CCN4: variants seen among roughly 807,000 people sequenced by gnomAD.
CCN4 encodes cellular communication network factor 4, also known as CCN family member 4.
CCN4 carries 30 observed loss-of-function variants against 36.7 expected under a neutral mutation model. That is an observed-to-expected ratio of 0.82 (90% confidence interval 0.61 to 1.11). CCN4 has a LOEUF of 1.11. Ranked by LOEUF, CCN4 falls within the 50% of genes least tolerant of loss-of-function variation. CCN4 has a pLI of 0.00. For missense variants in CCN4, 505 were observed against 504.9 expected, an observed-to-expected ratio of 1.00 and a Z score of 0.00; for synonymous variants, 191 against 195.4, an observed-to-expected ratio of 0.98 and a Z score of 0.19.
chr8:133,220,864 T>TG (rs1015975641), intron 3 of CCN4, 23 bp downstream of exon 3: 7 of 1,584,098 alleles, frequency 4.4e-6, no homozygotes, highest in Non-Finnish European at 6.0e-6. Context: ...CCGAGTGGGC[T>TG]GGGGGTGGGA....
At chr8:133,200,573 G>A (rs978541244) in intron 1 of CCN4, among the ~76,000 whole-genome samples, 1 of 152,236 alleles carries the variant, frequency 6.6e-6, no homozygotes, top group African/African-American at 2.4e-5. Flanking sequence ...ACTGGACAGT[G>A]GGCAAGAACA....
intron 1 of CCN4, 66 bp downstream of exon 1, chr8:133,191,279 G>A: frequency 6.6e-7 from 1 of 1,516,180 alleles, no homozygotes; most frequent in Non-Finnish European, 8.9e-7. Flanking sequence ...CCTGCTACAT[G>A]GGGGCTGGTG....
At chr8:133,194,095 G>A (rs1450347380) in intron 1 of CCN4, among the ~76,000 whole-genome samples, 2 of 152,160 alleles carry the variant, frequency 1.3e-5, no homozygotes, top group East Asian at 1.9e-4. Context: ...TTCAGCAAAC[G>A]AAAGCTGAGT....
intron 2 of CCN4, among the ~76,000 whole-genome samples, chr8:133,213,950 TA>T (rs1854179640): frequency 7.6e-4 from 1 of 1,324 alleles, no homozygotes; most frequent in African/African-American, 1.5e-3. Flanking sequence ...CTATATATAG[TA>T]GTTATATATA....
intron 2 of CCN4, among the ~76,000 whole-genome samples, chr8:133,216,600 G>C (rs1269266806): frequency 6.6e-6 from 1 of 152,234 alleles, no homozygotes; most frequent in Non-Finnish European, 1.5e-5. Flanking sequence ...TCTGTGGGCA[G>C]AGGGTGACCT....
chr8:133,225,013 T>C (rs1216774797), intron 3 of CCN4, among the ~76,000 whole-genome samples: 1 of 151,968 alleles, frequency 6.6e-6, no homozygotes, highest in Admixed American at 6.5e-5. Flanking sequence ...TAGGCCTTAT[T>C]ATTGTGTTGC....
In CCN4 at chr8:133,213,090, TCTA is replaced by T; in HGVS notation, c.299_301del (p.Tyr100del). ...GCCATCTGTGACCCCCACCGGGGCCTCTACTGTGACTACAGCGGGGACCGCCCG... is the reference window on the plus strand; with the variant it reads ...GCCATCTGTGACCCCCACCGGGGCCTCTGTGACTACAGCGGGGACCGCCCG... On this transcript the variant is annotated inframe_deletion, in exon 2 of 5. Coordinates refer to ENST00000250160, the MANE Select transcript of CCN4 (RefSeq NM_003882.4). 1.2e-6 allele frequency: 2 copies of T among 1,614,044 alleles called. No individual in the cohort carries two copies. The highest frequency in any genetic ancestry group is 1.7e-6 in the Non-Finnish European group (2 of 1,179,910).
chr8:133,224,249 T>G (rs1250860997), intron 3 of CCN4, among the ~76,000 whole-genome samples: 2 of 145,928 alleles, frequency 1.4e-5, no homozygotes, highest in Non-Finnish European at 3.0e-5. Context: ...TTTTTTTTTT[T>G]TTTTTTTTTG....
intron 1 of CCN4, among the ~76,000 whole-genome samples, chr8:133,205,019 A>C (rs1853718543): frequency 6.6e-6 from 1 of 152,232 alleles, no homozygotes. Context: ...TGTACTTTGC[A>C]GTAAAGTTTG....
At chr8:133,191,277 A>G in intron 1 of CCN4, 64 bp downstream of exon 1, 2 of 1,530,626 alleles carry the variant, frequency 1.3e-6, no homozygotes, top group Admixed American at 1.9e-5. Flanking sequence ...GTCCTGCTAC[A>G]TGGGGGCTGG....
Position 133,227,530 on chromosome 8 carries a change from GTGC to G in CCN4, c.928_930del (p.Cys310del), listed in dbSNP as rs752156493. On this transcript the variant is annotated inframe_deletion, in exon 5 of 5. Coordinates refer to ENST00000250160, the MANE Select transcript of CCN4 (RefSeq NM_003882.4). The stretch of plus-strand genomic sequence containing the variant: ...ACTGTGGAGTTTGCATGGACAATAG[GTGC>G]TGCATCCCCTACAAGTCTAAGACTA... 1.2e-6 allele frequency: 2 copies of G among 1,614,068 alleles called. No individual in the cohort carries two copies. The highest frequency in any genetic ancestry group is 2.7e-5 in the African/African-American group (2 of 74,914).
chr8:133,196,902 C>G (rs997387686), intron 1 of CCN4, among the ~76,000 whole-genome samples: 3 of 152,110 alleles, frequency 2.0e-5, no homozygotes, highest in Non-Finnish European at 4.4e-5. Flanking sequence ...AGGCTCAGCA[C>G]CAGTTGGCTA....
chr8:133,230,011 G>A lies in CCN4; in HGVS notation c.*2301G>A, dbSNP rs1588210527. 2 of 152,320 alleles carry A rather than the reference G, an allele frequency of 1.3e-5. No individual in the cohort carries two copies. The highest frequency in any genetic ancestry group is 3.4e-3 in the Middle Eastern group (1 of 294). The allele number at this position is 152,320 out of a possible 1,614,324, so 9.4% of individuals were successfully genotyped here. A position where few individuals can be genotyped will look rare whatever the true frequency, so the allele number is the denominator to read the frequency against. On this transcript the variant is annotated 3_prime_UTR_variant, in exon 5 of 5. Transcript: ENST00000250160. ...AGCTCACTCCATTTGAAATTCAGTG[G>A]AAACCCAAGAGCTAGGTTCTTACTG...
chr8:133,202,696 T>G lies in CCN4; in HGVS notation c.70-10168T>G, dbSNP rs1007628558. 2.0e-5 allele frequency among the ~76,000 whole-genome samples: 3 copies of G among 152,148 alleles called. No individual in the cohort carries two copies. The East Asian group carries it at 5.8e-4, about 29-fold the overall frequency. ...CAGTGCGGTGGGGGAAGGAGGAGGA[T>G]GTACCTGGCTCATACACCTTTCACG... On this transcript the variant is annotated intron_variant, in intron 1 of 4. Transcript: ENST00000250160.
intron 1 of CCN4, among the ~76,000 whole-genome samples, chr8:133,199,119 G>C (rs1206089089): frequency 6.6e-6 from 1 of 152,180 alleles, no homozygotes; most frequent in Non-Finnish European, 1.5e-5. Context: ...TTGGCAAGAG[G>C]GCCTGGACTC....
chr8:133,221,305 A>G (rs1021682800), intron 3 of CCN4, among the ~76,000 whole-genome samples: 21 of 152,218 alleles, frequency 1.4e-4, no homozygotes, highest in Admixed American at 2.6e-4. Context: ...AGCCCTGGAA[A>G]AGAAGAGTGG....
At chr8:133,204,534 G>C (rs975072568) in intron 1 of CCN4, among the ~76,000 whole-genome samples, 2 of 152,222 alleles carry the variant, frequency 1.3e-5, no homozygotes, top group Non-Finnish European at 2.9e-5. Flanking sequence ...CTTCAGCCTA[G>C]AGAAACTTAA....
intron 2 of CCN4, among the ~76,000 whole-genome samples, chr8:133,214,987 A>G (rs1016517163): frequency 1.3e-5 from 2 of 152,134 alleles, no homozygotes; most frequent in African/African-American, 4.8e-5. Flanking sequence ...CTTCTCTTTT[A>G]TCATTGGTTC....
chr8:133,231,047 A>T lies in CCN4; in HGVS notation c.*3337A>T, dbSNP rs1163657959. 1.3e-5 allele frequency: 2 copies of T among 152,238 alleles called. No individual in the cohort carries two copies. The highest frequency in any genetic ancestry group is 2.9e-5 in the Non-Finnish European group (2 of 68,038). The allele number at this position is 152,238 out of a possible 1,614,324, so 9.4% of individuals were successfully genotyped here. On this transcript the variant is annotated 3_prime_UTR_variant, in exon 5 of 5. Coordinates refer to ENST00000250160, the MANE Select transcript of CCN4 (RefSeq NM_003882.4). ...CCCCAAATCAAAAGGCATGACCTTT[A>T]TAAGAGGCGCTTTACTGACAATAGC...
Sources: gnomAD v4.1 joint callset for allele counts (sites outside exome capture counted in the v4.1 genomes callset) on GRCh38, gnomAD v4.1.1 for gene constraint, MANE v1.5 for transcripts, NCBI Gene and HGNC (gene_info 2026-07-23, HGNC 2026-07-21) for gene names.